The following ITPR1 variants were observed in gnomAD, a reference collection of about 807,000 sequenced individuals.
ITPR1 encodes inositol 1,4,5-trisphosphate-gated calcium channel ITPR1.
ITPR1 carries 96 observed loss-of-function variants against 318.4 expected under a neutral mutation model. That is an observed-to-expected ratio of 0.30 (90% CI 0.26 to 0.36). The LOEUF is 0.36. Among genes scored for constraint, ITPR1 ranks in the 10% least tolerant of loss-of-function variants. The pLI is 1.00. For missense variants in ITPR1, 2,440 were observed against 3,460.2 expected (o/e 0.71, Z 7.40); for synonymous variants, 1,312 against 1,289.9 (o/e 1.02, Z -0.37).
intron 24 of ITPR1, among the ~76,000 whole-genome samples, chr3:4,677,444 C>G (rs1248635069): frequency 6.6e-6 from 1 of 152,098 alleles, no homozygotes; most frequent in Non-Finnish European, 1.5e-5. Context: ...GAAGGCCTCT[C>G]CAGTACAGTG....
Position 4,699,931 on chromosome 3 carries a change from C to T in ITPR1, c.4526C>T (p.Thr1509Met), listed in dbSNP as rs370021605. ...AGCTCTCCCTTCTCAGACCAGAGTA[C>T]GACTTTGCAGGTAAGAAATAACCAA... Reference protein sequence around the residue: ...FFSSPFSDQSTTLQTRQPVFV... With the variant: ...FFSSPFSDQSMTLQTRQPVFV... Residue 1509 changes from threonine to methionine, a missense_variant, in exon 35 of 62, where the codon ACG becomes ATG. This residue lies in a region of ITPR1 where 166 missense variants were observed against 246.5 expected (regional missense o/e 0.67). Coordinates refer to ENST00000649015, the MANE Select transcript of ITPR1 (RefSeq NM_001378452.1). 8.1e-6 allele frequency: 13 copies of T among 1,613,114 alleles called. No individual in the cohort carries two copies. Among genetic ancestry groups the T allele is most frequent in the African/African-American group, 1.3e-5 (1 of 75,018 alleles).
chr3:4,714,209 C>T (rs943324595), intron 39 of ITPR1, among the ~76,000 whole-genome samples: 3 of 151,994 alleles, frequency 2.0e-5, no homozygotes, highest in Non-Finnish European at 4.4e-5. Context: ...AGAAATAACC[C>T]GGAGCCAAAG....
intron 33 of ITPR1, among the ~76,000 whole-genome samples, chr3:4,694,945 C>CTA (rs2094534820): frequency 6.6e-6 from 1 of 152,190 alleles, no homozygotes; most frequent in Non-Finnish European, 1.5e-5. Context: ...TAAACGCATA[C>CTA]AGTATATATA....
intron 4 of ITPR1, among the ~76,000 whole-genome samples, chr3:4,545,184 C>T (rs577129165): frequency 6.6e-6 from 1 of 152,224 alleles, no homozygotes; most frequent in Non-Finnish European, 1.5e-5. Flanking sequence ...AGAGAAAAAC[C>T]CAAAATGAAT....
intron 4 of ITPR1, among the ~76,000 whole-genome samples, chr3:4,601,762 C>T (rs1042755848): frequency 6.6e-6 from 1 of 152,036 alleles, no homozygotes; most frequent in African/African-American, 2.4e-5. Context: ...AGTGAAGAGA[C>T]AACTCATAGA....
At chr3:4,782,801 C>T in intron 50 of ITPR1, 60 bp downstream of exon 50, 1 of 1,395,132 alleles carries the variant, frequency 7.2e-7, no homozygotes, top group Non-Finnish European at 9.4e-7. Flanking sequence ...AAATTCCGAG[C>T]TGGAGGGTGC....
intron 13 of ITPR1, among the ~76,000 whole-genome samples, chr3:4,659,505 A>G (rs2093786759): frequency 6.6e-6 from 1 of 152,060 alleles, no homozygotes; most frequent in Admixed American, 6.6e-5. Flanking sequence ...ACAACATGAC[A>G]AAACCCCGAC....
intron 4 of ITPR1, among the ~76,000 whole-genome samples, chr3:4,616,519 C>G (rs2092395015): frequency 6.6e-6 from 1 of 152,168 alleles, no homozygotes; most frequent in Non-Finnish European, 1.5e-5. Context: ...CTGAACACTT[C>G]CCATTTTCAT....
chr3:4,598,487 G>C (rs766056671), intron 4 of ITPR1, among the ~76,000 whole-genome samples: 3 of 152,068 alleles, frequency 2.0e-5, no homozygotes, highest in Non-Finnish European at 2.9e-5. Context: ...TGGGTGTGGT[G>C]GTGGGTGCCT....
In ITPR1 at chr3:4,813,204, G is replaced by A. The variant is rs756594271; in HGVS notation, c.7531G>A (p.Glu2511Lys). 6.2e-7 allele frequency: 1 copy of A among 1,613,554 alleles called. No homozygotes were observed. The highest frequency in any genetic ancestry group is 2.2e-5 in the East Asian group (1 of 44,884). ...CGATGTGTGTAGGGTGGAGAGTGGG[G>A]AGAACTGCTCCTCTCCTGCACCCAG... ...FSDVCRVESGENCSSPAPREE... is the reference protein window; with the variant it reads ...FSDVCRVESGKNCSSPAPREE... The change falls in exon 57 of 62, where the codon GAG becomes AAG. Residue 2511 changes from glutamate to lysine, a missense_variant. By Grantham distance (56) the Glu-to-Lys change is moderately conservative. Around this residue, in one of 23 missense-constraint regions of ITPR1, gnomAD observed 88 missense variants for 90.5 expected, o/e 0.97. Transcript: ENST00000649015.
At chr3:4,804,643 G>A (rs2106475907) in intron 54 of ITPR1, among the ~76,000 whole-genome samples, 1 of 152,270 alleles carries the variant, frequency 6.6e-6, no homozygotes, top group East Asian at 1.9e-4. Context: ...AATGTGTGAT[G>A]TCACCCAGGG....
intron 10 of ITPR1, among the ~76,000 whole-genome samples, chr3:4,646,605 T>C (rs2093463525): frequency 6.6e-6 from 1 of 152,122 alleles, no homozygotes; most frequent in Non-Finnish European, 1.5e-5. Flanking sequence ...GGAAAGTTGT[T>C]TGAGGAAGGG....
At chr3:4,516,159 C>T (rs2082155919) in intron 2 of ITPR1, among the ~76,000 whole-genome samples, 1 of 152,148 alleles carries the variant, frequency 6.6e-6, no homozygotes, top group Non-Finnish European at 1.5e-5. Context: ...GGCTGAGTTC[C>T]CTGCAGGCTT....
chr3:4,635,856 A>C (rs1314340790), intron 5 of ITPR1, among the ~76,000 whole-genome samples: 2 of 150,694 alleles, frequency 1.3e-5, no homozygotes, highest in Admixed American at 6.6e-5. Context: ...TAAATACCAG[A>C]CTTGGGTTTG....
Position 4,644,888 on chromosome 3 carries a change from G to C in ITPR1, c.625-499G>C, listed in dbSNP as rs573980706. Among the ~76,000 whole-genome samples, 22 of 152,252 alleles carry C rather than the reference G, an allele frequency of 1.4e-4. No homozygotes were observed. The East Asian group carries it at 3.7e-3, about 25-fold the overall frequency. ...GCGGCGGTCGGACCTATTTTTCAGG[G>C]TGTTGCCAAGAATTAAAGGAGATTG... On this transcript the variant is annotated intron_variant, in intron 8 of 61. Coordinates refer to ENST00000649015, the MANE Select transcript of ITPR1 (RefSeq NM_001378452.1).
chr3:4,528,370 C>T (rs997421571), intron 4 of ITPR1, among the ~76,000 whole-genome samples: 1 of 152,136 alleles, frequency 6.6e-6, no homozygotes, highest in African/African-American at 2.4e-5. Context: ...CTTAACCTTA[C>T]CCTTAGGCCA....
chr3:4,667,582 G>A (rs781535425), intron 18 of ITPR1, 33 bp downstream of exon 18: 11 of 1,580,636 alleles, frequency 7.0e-6, no homozygotes, highest in Admixed American at 1.8e-5. Flanking sequence ...GCAGGATGGT[G>A]TCTCTGCCTG....
chr3:4,494,607 A>C (rs2080405842), intron 2 of ITPR1, 101 bp downstream of exon 2: 1 of 152,262 alleles, frequency 6.6e-6, no homozygotes, highest in Non-Finnish European at 1.5e-5. Context: ...AGTAAGAAAG[A>C]AAAAGAAACT....
At chr3:4,573,828 C>G (rs1242645374) in intron 4 of ITPR1, among the ~76,000 whole-genome samples, 1 of 152,234 alleles carries the variant, frequency 6.6e-6, no homozygotes, top group Non-Finnish European at 1.5e-5. Context: ...TTCCTCTGTG[C>G]ACTTGCCACT....
Sources: allele counts gnomAD v4.1 joint callset (sites outside exome capture counted in the v4.1 genomes callset), GRCh38; gene constraint gnomAD v4.1.1; regional missense constraint gnomAD v4.1.1; transcripts MANE v1.5; gene names NCBI Gene and HGNC (gene_info 2026-07-23, HGNC 2026-07-21).